Variants in CLVS1 observed in about 807,000 individuals in gnomAD.
CLVS1 encodes clavesin 1.
A neutral mutation model predicts 33.1 loss-of-function variants in CLVS1; 10 were observed. The observed-to-expected ratio is 0.30, with a 90% confidence interval of 0.19 to 0.51. The LOEUF is 0.51. CLVS1 is among the 20% of genes least tolerant of loss of function. The pLI, the probability that CLVS1 is intolerant of heterozygous loss-of-function variation, is 0.97. For missense variants in CLVS1, 343 were observed against 433.4 expected, an observed-to-expected ratio of 0.79 and a Z score of 1.85; for synonymous variants, 163 against 166.1, an observed-to-expected ratio of 0.98 and a Z score of 0.14.
At chr8:61,480,170 T>C (rs1390948125) in intron 5 of CLVS1, among the ~76,000 whole-genome samples, 1 of 152,260 alleles carries the variant, frequency 6.6e-6, no homozygotes, top group Non-Finnish European at 1.5e-5. Context: ...GTCTGTGCCC[T>C]GCCCCCAGAG....
chr8:61,232,029 T>TGTTTG (rs1563455079), intron 2 of CLVS1, among the ~76,000 whole-genome samples: 14 of 43,748 alleles, frequency 3.2e-4, no homozygotes, highest in East Asian at 1.4e-3. Flanking sequence ...TGTGGTTTTT[T>TGTTTG]TTTTTTTTTT....
chr8:61,141,845 C>T (rs561113013), intron 2 of CLVS1, among the ~76,000 whole-genome samples: 1 of 152,292 alleles, frequency 6.6e-6, no homozygotes, highest in Admixed American at 6.5e-5. Flanking sequence ...GAGTCAGCCC[C>T]GTCTACCATA....
At chr8:60,993,520 C>G in the CLVS1 span, among the ~76,000 whole-genome samples, 1 of 152,244 alleles carries the variant, frequency 6.6e-6, no homozygotes, top group Non-Finnish European at 1.5e-5. Context: ...ATGGGCATAA[C>G]AACCATCCTG....
At chr8:60,986,448 T>G in the CLVS1 span, among the ~76,000 whole-genome samples, 1 of 152,222 alleles carries the variant, frequency 6.6e-6, no homozygotes, top group African/African-American at 2.4e-5. Flanking sequence ...CTTCTCCCAC[T>G]CTCTATATTC....
chr8:60,990,125 CAAAAAAAAAAAAAAAAAA>C, the CLVS1 span, among the ~76,000 whole-genome samples: 1 of 38,278 alleles, frequency 2.6e-5, no homozygotes, highest in African/African-American at 1.0e-4. Context: ...ACTCCATCTC[CAAAAAAAAAAAAAAAAAA>C]AAAAAAAAAG....
the CLVS1 span, among the ~76,000 whole-genome samples, chr8:61,047,944 A>G: frequency 7.0e-6 from 1 of 142,648 alleles, no homozygotes; most frequent in African/African-American, 2.9e-5. Flanking sequence ...AAGTATAATA[A>G]TAATAAAATA....
At chr8:61,173,808 C>T (rs577373048) in intron 2 of CLVS1, among the ~76,000 whole-genome samples, 3 of 152,208 alleles carry the variant, frequency 2.0e-5, no homozygotes, top group Admixed American at 6.5e-5. Context: ...AGTATTCAGC[C>T]GAATACTGAT....
the CLVS1 span, among the ~76,000 whole-genome samples, chr8:60,984,468 C>T: frequency 9.9e-5 from 15 of 152,132 alleles, no homozygotes; most frequent in South Asian, 3.1e-3. Flanking sequence ...TCTGAGATTA[C>T]AGGCGTCCGC....
intron 1 of CLVS1, among the ~76,000 whole-genome samples, chr8:61,099,381 C>CT (rs571406128): frequency 1.6e-4 from 25 of 151,606 alleles, no homozygotes; most frequent in Non-Finnish European, 2.6e-4. Context: ...CTTCTTGGAC[C>CT]TTTGTCTTTT....
chr8:61,000,500 G>A, the CLVS1 span, among the ~76,000 whole-genome samples: 1 of 152,276 alleles, frequency 6.6e-6, no homozygotes, highest in East Asian at 1.9e-4. Flanking sequence ...GACGTGAGAG[G>A]GATGATGGAT....
the CLVS1 span, among the ~76,000 whole-genome samples, chr8:61,004,941 TTAAAA>T: frequency 6.7e-6 from 1 of 148,186 alleles, no homozygotes; most frequent in East Asian, 1.9e-4. Context: ...TGTTTTTTGT[TTAAAA>T]CAAAACAAGA....
intron 1 of CLVS1, among the ~76,000 whole-genome samples, chr8:61,123,619 C>G (rs1237261884): frequency 6.6e-6 from 1 of 152,062 alleles, no homozygotes; most frequent in African/African-American, 2.4e-5. Context: ...TAGTAGGAAA[C>G]TTTGCTCCAA....
intron 2 of CLVS1, among the ~76,000 whole-genome samples, chr8:61,232,023 G>T (rs7835376): frequency 0.37 from 23,086 of 61,612 alleles, 5,805 homozygotes; most frequent in East Asian, 0.78. Context: ...GAAAGTTGTG[G>T]TTTTTTTTTT....
At chr8:61,241,537 T>C (rs1214241244) in intron 2 of CLVS1, among the ~76,000 whole-genome samples, 10 of 152,146 alleles carry the variant, frequency 6.6e-5, no homozygotes, top group Non-Finnish European at 1.2e-4. Flanking sequence ...ATGTAAAAAG[T>C]ATAAAAATTA....
intron 2 of CLVS1, among the ~76,000 whole-genome samples, chr8:61,331,608 C>T (rs956514329): frequency 1.3e-5 from 2 of 150,960 alleles, no homozygotes; most frequent in Non-Finnish European, 2.9e-5. Context: ...TCAACATGAT[C>T]GTCCTGTCCT....
chr8:61,146,538 C>A (rs1021404740), intron 2 of CLVS1, among the ~76,000 whole-genome samples: 3 of 152,218 alleles, frequency 2.0e-5, no homozygotes, highest in Non-Finnish European at 4.4e-5. Context: ...ACATTCCCTA[C>A]AGTGGCACCA....
intron 1 of CLVS1, among the ~76,000 whole-genome samples, chr8:61,113,075 G>A (rs1175367274): frequency 6.6e-6 from 1 of 152,148 alleles, no homozygotes; most frequent in East Asian, 1.9e-4. Context: ...CCTCACTGTG[G>A]TTATCTACAG....
At chr8:61,426,607 C>A (rs1354709194) in intron 3 of CLVS1, among the ~76,000 whole-genome samples, 1 of 152,178 alleles carries the variant, frequency 6.6e-6, no homozygotes, top group Non-Finnish European at 1.5e-5. Context: ...CCCCTGCCAA[C>A]TGGTATTGCT....
chr8:61,194,311 C>A (rs186530071), intron 2 of CLVS1, among the ~76,000 whole-genome samples: 1 of 152,024 alleles, frequency 6.6e-6, no homozygotes, highest in Non-Finnish European at 1.5e-5. Context: ...AAAAAATGCA[C>A]ATCTAAAAAT....
Sources: allele counts gnomAD v4.1 joint callset (sites outside exome capture counted in the v4.1 genomes callset), GRCh38; gene constraint gnomAD v4.1.1; transcripts MANE v1.5; gene names NCBI Gene and HGNC (gene_info 2026-07-23, HGNC 2026-07-21).